TRAPPC9: variants seen among roughly 807,000 people sequenced by gnomAD.
TRAPPC9 encodes the protein trafficking protein particle complex subunit 9, also known as IKK2 binding protein.
In TRAPPC9, 83 loss-of-function variants were observed where a neutral mutation model predicts 124.0. That is an observed-to-expected ratio of 0.67 (90% confidence interval 0.56 to 0.80). The LOEUF (loss-of-function observed/expected upper bound fraction) is 0.80. Among genes scored for constraint, TRAPPC9 ranks in the 30% least tolerant of loss-of-function variants. The pLI is 0.00. For missense variants in TRAPPC9, 1,302 were observed against 1,508.3 expected (o/e 0.86, Z 2.27); for synonymous variants, 638 against 617.5 (o/e 1.03, Z -0.49).
At chr8:139,891,087 A>G (rs1039620959) in intron 20 of TRAPPC9, among the ~76,000 whole-genome samples, 1 of 152,186 alleles carries the variant, frequency 6.6e-6, no homozygotes, top group Non-Finnish European at 1.5e-5. Context: ...GGAGTTGCTT[A>G]GTATTAAGAA....
intron 17 of TRAPPC9, among the ~76,000 whole-genome samples, chr8:140,125,587 C>CTTTTTTTTTTTTTTTTTTTTTTTTT (rs11292333): frequency 1.5e-5 from 1 of 67,820 alleles, no homozygotes; most frequent in African/African-American, 6.1e-5. Context: ...GAATCTCATT[C>CTTTTTTTTTTTTTTTTTTTTTTTTT]TTTTTTTTTT....
intron 11 of TRAPPC9, 22 bp from the exon 12 acceptor site, chr8:140,291,100 A>G: frequency 1.3e-6 from 2 of 1,597,818 alleles, no homozygotes; most frequent in East Asian, 4.5e-5. Flanking sequence ...ACACACATAA[A>G]TGAATCCATG....
intron 17 of TRAPPC9, among the ~76,000 whole-genome samples, chr8:140,036,528 G>T (rs1464603209): frequency 6.6e-6 from 1 of 152,202 alleles, no homozygotes. Context: ...CTCAAGTTGG[G>T]GAGAGAGGCA....
At chr8:139,877,366 G>A (rs1414513781) in intron 21 of TRAPPC9, among the ~76,000 whole-genome samples, 1 of 152,194 alleles carries the variant, frequency 6.6e-6, no homozygotes, top group Admixed American at 6.5e-5. Context: ...AGCATGCTGG[G>A]TTTCTGCAGC....
At chr8:139,892,055 T>C (rs1239040516) in intron 20 of TRAPPC9, among the ~76,000 whole-genome samples, 3 of 152,138 alleles carry the variant, frequency 2.0e-5, no homozygotes, top group Non-Finnish European at 4.4e-5. Flanking sequence ...CATGAATATG[T>C]GCATGCACAC....
chr8:140,317,976 C>A (rs1412940834), intron 9 of TRAPPC9, among the ~76,000 whole-genome samples: 1 of 151,742 alleles, frequency 6.6e-6, no homozygotes, highest in Non-Finnish European at 1.5e-5. Context: ...TCAAATGTCA[C>A]CAAAAAATAA....
intron 9 of TRAPPC9, among the ~76,000 whole-genome samples, chr8:140,331,643 C>T (rs199890644): frequency 1.6e-5 from 1 of 61,878 alleles, no homozygotes; most frequent in South Asian, 5.4e-4. Flanking sequence ...ATCATCATCA[C>T]CACCCCATGA....
intron 9 of TRAPPC9, among the ~76,000 whole-genome samples, chr8:140,329,859 C>T (rs2066850296): frequency 6.6e-6 from 1 of 152,116 alleles, no homozygotes; most frequent in Non-Finnish European, 1.5e-5. Context: ...GGGCAGATCA[C>T]CTGAGGTCAG....
intron 17 of TRAPPC9, among the ~76,000 whole-genome samples, chr8:140,102,510 C>G (rs1338935837): frequency 6.6e-6 from 1 of 152,212 alleles, no homozygotes; most frequent in Non-Finnish European, 1.5e-5. Context: ...CACGCACACA[C>G]ACAGACATAG....
At chr8:139,891,670 C>CCCCATGAGTTA (rs1477366420) in intron 20 of TRAPPC9, among the ~76,000 whole-genome samples, 1 of 152,188 alleles carries the variant, frequency 6.6e-6, no homozygotes, top group East Asian at 1.9e-4. Context: ...TATCATCAAA[C>CCCCATGAGTTA]TCGGGGCTTG....
At chr8:140,065,964 T>C (rs1179385304) in intron 17 of TRAPPC9, among the ~76,000 whole-genome samples, 3 of 152,222 alleles carry the variant, frequency 2.0e-5, no homozygotes, top group East Asian at 1.9e-4. Context: ...CTGCCATAGA[T>C]AGTGATTCCT....
chr8:140,027,757 G>A (rs1293704798), intron 17 of TRAPPC9, among the ~76,000 whole-genome samples: 1 of 152,198 alleles, frequency 6.6e-6, no homozygotes, highest in Non-Finnish European at 1.5e-5. Context: ...TAGGCCTCAG[G>A]AAATGTAGAA....
intron 4 of TRAPPC9, among the ~76,000 whole-genome samples, chr8:140,431,858 T>C (rs10099688): frequency 0.16 from 24,967 of 152,222 alleles, 2,289 homozygotes; most frequent in Middle Eastern, 0.31. Flanking sequence ...TCCAGATTCT[T>C]TTCAGCTTTA....
intron 19 of TRAPPC9, among the ~76,000 whole-genome samples, chr8:139,965,790 A>AAGG (rs1587360302): frequency 1.3e-5 from 2 of 152,052 alleles, no homozygotes; most frequent in Non-Finnish European, 2.9e-5. Flanking sequence ...CATGTTGAGC[A>AAGG]GAGTTGGCTA....
intron 21 of TRAPPC9, among the ~76,000 whole-genome samples, chr8:139,881,811 C>T (rs374594599): frequency 1.3e-4 from 20 of 152,196 alleles, no homozygotes; most frequent in African/African-American, 4.3e-4. Context: ...GGGCCAATTC[C>T]GACTCGCTGA....
chr8:139,835,890 TG>T (rs1444396867), intron 21 of TRAPPC9, among the ~76,000 whole-genome samples: 1 of 152,210 alleles, frequency 6.6e-6, no homozygotes, highest in Non-Finnish European at 1.5e-5. Context: ...GGATGTGGCC[TG>T]AGCTTGCCAG....
intron 21 of TRAPPC9, among the ~76,000 whole-genome samples, chr8:139,797,118 G>A (rs563559805): frequency 7.2e-5 from 11 of 151,998 alleles, no homozygotes; most frequent in Middle Eastern, 3.4e-3. Flanking sequence ...CTGTTGAGTC[G>A]AAAGAGGTCT....
intron 19 of TRAPPC9, among the ~76,000 whole-genome samples, chr8:139,941,182 G>A (rs1457973810): frequency 6.6e-6 from 1 of 152,216 alleles, no homozygotes; most frequent in East Asian, 1.9e-4. Flanking sequence ...AGAGCGGGTG[G>A]GCATCCTCCC....
intron 21 of TRAPPC9, among the ~76,000 whole-genome samples, chr8:139,849,100 T>G (rs1483727647): frequency 6.6e-6 from 1 of 152,230 alleles, no homozygotes; most frequent in African/African-American, 2.4e-5. Flanking sequence ...GGACTCTGGA[T>G]GACAAATCAC....
Sources: gnomAD v4.1 joint callset for allele counts (sites outside exome capture counted in the v4.1 genomes callset) on GRCh38, gnomAD v4.1.1 for gene constraint, MANE v1.5 for transcripts, NCBI Gene and HGNC (gene_info 2026-07-23, HGNC 2026-07-21) for gene names.